The following ANO2 variants were observed in gnomAD, a reference collection of about 807,000 sequenced individuals.
ANO2 encodes anoctamin 2.
A neutral mutation model predicts 124.2 loss-of-function variants in ANO2; 101 were observed. That is an observed-to-expected ratio of 0.81 (90% CI 0.69 to 0.96). ANO2 has a LOEUF of 0.96. Among genes scored for constraint, ANO2 ranks in the 40% least tolerant of loss-of-function variants. ANO2 has a pLI of 0.00. For synonymous variants in ANO2, 486 were observed against 482.5 expected, an observed-to-expected ratio of 1.01 and a Z score of -0.09; for missense variants, 1,293 against 1,274.5, an observed-to-expected ratio of 1.01 and a Z score of -0.22.
chr12:5,619,909 A>T, intron 16 of ANO2, among the ~76,000 whole-genome samples: 1 of 152,232 alleles, frequency 6.6e-6, no homozygotes. Flanking sequence ...CTAAGTGAAG[A>T]GAAAGACTTG....
At chr12:5,632,974 G>A (rs767483734) in intron 16 of ANO2, among the ~76,000 whole-genome samples, 87 of 152,106 alleles carry the variant, frequency 5.7e-4, no homozygotes, top group Non-Finnish European at 9.7e-4. Flanking sequence ...GACAGCTCCC[G>A]TCATGCCACG....
intron 10 of ANO2, among the ~76,000 whole-genome samples, chr12:5,770,537 C>A (rs1032953399): frequency 6.6e-6 from 1 of 152,160 alleles, no homozygotes; most frequent in Non-Finnish European, 1.5e-5. Flanking sequence ...AATTCCACTT[C>A]CAATTCATCA....
chr12:5,628,425 C>T (rs936678615), intron 16 of ANO2, among the ~76,000 whole-genome samples: 1 of 152,212 alleles, frequency 6.6e-6, no homozygotes, highest in Admixed American at 6.5e-5. Context: ...TTCTGGGGAA[C>T]AAGGACAGCT....
chr12:5,565,633 G>A lies in ANO2; in HGVS notation c.2652C>T (p.Ala884=). ...GTTTCGAAAACTCATAAGGGTTCGG[G>A]GCCCATGGCGGCTCTCGGTAATCCT... ...RFKDYREPPW[A]PNPYEFSKQY... is the part of the protein sequence containing the mutation. The change falls in exon 24 of 25, where the codon GCC becomes GCT. Residue 884 remains alanine, a synonymous_variant. Coordinates refer to ENST00000682330, the MANE Select transcript of ANO2 (RefSeq NM_001364791.2). 1 of 1,603,392 alleles carries A rather than the reference G, an allele frequency of 6.2e-7. No individual in the cohort carries two copies. Among genetic ancestry groups the A allele is most frequent in the African/African-American group, 1.3e-5 (1 of 74,860 alleles).
intron 10 of ANO2, among the ~76,000 whole-genome samples, chr12:5,788,921 G>A (rs1026045061): frequency 6.6e-6 from 1 of 152,216 alleles, no homozygotes; most frequent in East Asian, 1.9e-4. Flanking sequence ...CCTGGATGCT[G>A]AGAGGTCTGA....
chr12:5,636,309 G>T lies in ANO2; in HGVS notation c.1621-962C>A, dbSNP rs1028935341. 5.3e-5 allele frequency among the ~76,000 whole-genome samples: 8 copies of T among 152,216 alleles called. No individual in the cohort carries two copies. The highest frequency in any genetic ancestry group is 1.9e-4 in the African/African-American group (8 of 41,546). On this transcript the variant is annotated intron_variant, in intron 15 of 24. Coordinates refer to ENST00000682330, the MANE Select transcript of ANO2 (RefSeq NM_001364791.2). The surrounding 1 kb of genome is among the most constrained non-coding windows in gnomAD (Gnocchi z 4.6). ...GAAGGATCATTTCCAGGAAGCACAA[G>T]GATGCTATGAGAAGCAAGTGCCCTG...
At chr12:5,798,846 C>T (rs933676228) in intron 10 of ANO2, among the ~76,000 whole-genome samples, 1 of 152,216 alleles carries the variant, frequency 6.6e-6, no homozygotes, top group Non-Finnish European at 1.5e-5. Context: ...ACATTCCAGC[C>T]AGAAGATTGA....
chr12:5,884,978 A>T (rs1427657152), intron 3 of ANO2, among the ~76,000 whole-genome samples: 1 of 152,206 alleles, frequency 6.6e-6, no homozygotes, highest in African/African-American at 2.4e-5. Context: ...GCCTGATTCT[A>T]CCAGAAAGCA....
chr12:5,944,897 G>A (rs1385047626), intron 1 of ANO2, among the ~76,000 whole-genome samples: 1 of 152,060 alleles, frequency 6.6e-6, no homozygotes, highest in Non-Finnish European at 1.5e-5. Context: ...TCACAGAGGT[G>A]GGGATTGGTA....
At chr12:5,688,675 T>C (rs1948802221) in intron 14 of ANO2, among the ~76,000 whole-genome samples, 3 of 152,200 alleles carry the variant, frequency 2.0e-5, no homozygotes, top group African/African-American at 7.2e-5. Context: ...CAAATTTGCC[T>C]ATTACTCTGA....
At position 5,739,339 on chromosome 12, in the gene ANO2, A is replaced by G; in HGVS notation, c.1412T>C (p.Leu471Pro). 2 of 1,606,134 alleles carry G rather than the reference A, an allele frequency of 1.2e-6. No homozygotes were observed. Among genetic ancestry groups the G allele is most frequent in the Non-Finnish European group, 1.7e-6 (2 of 1,176,326 alleles). Reference sequence around the variant, plus strand: ...CACTTCTTCCTCTTCTATGCCAGTCAGGTCCCAAAAGTAGCCCAGTCGCAT... The same window carrying G: ...CACTTCTTCCTCTTCTATGCCAGTCGGGTCCCAAAAGTAGCCCAGTCGCAT... ...LQMRLGYFWD[L>P]TGIEEEEEHS... Residue 471 changes from leucine (L) to proline (P), a missense_variant, in exon 13 of 25, where the codon CTG becomes CCG. Physicochemically the swap from Leu to Pro is moderately conservative, Grantham distance 98. Coordinates refer to ENST00000682330, the MANE Select transcript of ANO2 (RefSeq NM_001364791.2).
At chr12:5,578,163 C>G (rs962443594) in intron 21 of ANO2, among the ~76,000 whole-genome samples, 156 bp from the exon 22 acceptor site, 4 of 152,322 alleles carry the variant, frequency 2.6e-5, no homozygotes, top group East Asian at 3.9e-4. Context: ...GGTAGCCCCC[C>G]CATCTGGAAG....
chr12:5,652,933 C>T (rs1168033865), intron 14 of ANO2, among the ~76,000 whole-genome samples: 2 of 152,178 alleles, frequency 1.3e-5, no homozygotes, highest in African/African-American at 4.8e-5. Flanking sequence ...GGGGGAATTA[C>T]ACTCCACCTC....
intron 14 of ANO2, among the ~76,000 whole-genome samples, chr12:5,708,591 C>T (rs1260752368): frequency 6.6e-6 from 1 of 152,186 alleles, no homozygotes; most frequent in African/African-American, 2.4e-5. Context: ...GCCTTGGTGC[C>T]AAGCCAGGCT....
At chr12:5,892,088 A>G (rs1014166587) in intron 3 of ANO2, among the ~76,000 whole-genome samples, 2 of 152,124 alleles carry the variant, frequency 1.3e-5, no homozygotes, top group Non-Finnish European at 2.9e-5. Flanking sequence ...TAGAAGACAT[A>G]AAAATGAACC....
At chr12:5,590,187 C>T (rs1343701515) in intron 20 of ANO2, among the ~76,000 whole-genome samples, 1 of 152,158 alleles carries the variant, frequency 6.6e-6, no homozygotes, top group Non-Finnish European at 1.5e-5. Flanking sequence ...AACACAAATT[C>T]GTAAACTTTC....
intron 14 of ANO2, among the ~76,000 whole-genome samples, chr12:5,672,373 T>C (rs962216244): frequency 7.9e-5 from 12 of 152,248 alleles, no homozygotes; most frequent in South Asian, 6.2e-4. Flanking sequence ...TCATGTCTCA[T>C]GGAGCCGGGG....
chr12:5,891,279 T>G, intron 3 of ANO2, among the ~76,000 whole-genome samples: 1 of 152,160 alleles, frequency 6.6e-6, no homozygotes, highest in East Asian at 1.9e-4. Flanking sequence ...CATTGTTTTC[T>G]TTTCTCCATT....
intron 7 of ANO2, among the ~76,000 whole-genome samples, chr12:5,814,220 C>A (rs1265471839): frequency 6.6e-6 from 1 of 152,220 alleles, no homozygotes; most frequent in Non-Finnish European, 1.5e-5. Flanking sequence ...TTGTTAATTC[C>A]AGGTTACAAC....
Sources: gnomAD v4.1 joint callset for allele counts (sites outside exome capture counted in the v4.1 genomes callset) on GRCh38, gnomAD v4.1.1 for gene constraint, Gnocchi (gnomAD v3.1) non-coding constraint, MANE v1.5 for transcripts, NCBI Gene and HGNC (gene_info 2026-07-23, HGNC 2026-07-21) for gene names.